FBXL17: variants seen among roughly 807,000 people sequenced by gnomAD.
The protein encoded by FBXL17 is F-box and leucine rich repeat protein 17, also known as F-box/LRR-repeat protein 17.
In FBXL17, 22 loss-of-function variants were observed where a neutral mutation model predicts 66.2. The ratio of observed to expected loss-of-function variants is 0.33; its 90% CI spans 0.24 to 0.47. The LOEUF (loss-of-function observed/expected upper bound fraction) is 0.47. Among genes scored for constraint, FBXL17 ranks in the 20% least tolerant of loss-of-function variants. The pLI is 1.00. For missense variants in FBXL17, 878 were observed against 948.2 expected (o/e 0.93, Z 0.97); for synonymous variants, 474 against 400.5 (o/e 1.18, Z -2.19).
intron 6 of FBXL17, among the ~76,000 whole-genome samples, chr5:108,087,169 CAAGGCCTTGACTTGGTA>C (rs2149925609): frequency 6.6e-6 from 1 of 152,324 alleles, no homozygotes; most frequent in East Asian, 1.9e-4. Context: ...ATGAGCCTAT[CAAGGCCTTGACTTGGTA>C]AGTGCGAGTT....
chr5:108,308,201 G>A (rs73781318), intron 4 of FBXL17, among the ~76,000 whole-genome samples: 7,548 of 151,948 alleles, frequency 0.05, 626 homozygotes, highest in African/African-American at 0.17. Flanking sequence ...GAATATTATT[G>A]TATTAATAGT....
At chr5:108,294,224 G>A (rs1758248497) in intron 4 of FBXL17, among the ~76,000 whole-genome samples, 1 of 141,068 alleles carries the variant, frequency 7.1e-6, no homozygotes, top group Admixed American at 7.2e-5. Flanking sequence ...CTATATATAT[G>A]GTATATATAT....
At chr5:108,173,761 G>T (rs898132813) in intron 6 of FBXL17, among the ~76,000 whole-genome samples, 1 of 152,160 alleles carries the variant, frequency 6.6e-6, no homozygotes, top group Admixed American at 6.6e-5. Context: ...GAATGAAAGG[G>T]TATTCCTCCA....
At chr5:108,096,535 GAGA>G (rs1749373753) in intron 6 of FBXL17, among the ~76,000 whole-genome samples, 1 of 152,198 alleles carries the variant, frequency 6.6e-6, no homozygotes. Context: ...ATGGGACACA[GAGA>G]AGGAGAATAT....
At chr5:107,967,204 C>A (rs980108572) in intron 7 of FBXL17, among the ~76,000 whole-genome samples, 11 of 151,154 alleles carry the variant, frequency 7.3e-5, no homozygotes, top group Non-Finnish European at 1.2e-4. Context: ...TTGTGTATAC[C>A]AAGGAGATTG....
At chr5:107,986,592 C>T (rs1753020789) in intron 7 of FBXL17, among the ~76,000 whole-genome samples, 1 of 151,630 alleles carries the variant, frequency 6.6e-6, no homozygotes, top group African/African-American at 2.4e-5. Flanking sequence ...ATCAAGTAAA[C>T]TGTTTAAAAA....
At chr5:108,217,864 T>C (rs781154882) in intron 5 of FBXL17, among the ~76,000 whole-genome samples, 2 of 152,192 alleles carry the variant, frequency 1.3e-5, no homozygotes, top group African/African-American at 2.4e-5. Context: ...AAGAAGATCA[T>C]GCAGTATTTG....
intron 8 of FBXL17, among the ~76,000 whole-genome samples, chr5:107,874,248 T>C (rs2112492224): frequency 6.6e-6 from 1 of 152,304 alleles, no homozygotes; most frequent in South Asian, 2.1e-4. Flanking sequence ...TCTATGAAGA[T>C]CTGAGCTTGT....
chr5:108,206,327 T>C (rs1003397828), intron 5 of FBXL17, among the ~76,000 whole-genome samples: 10 of 152,212 alleles, frequency 6.6e-5, no homozygotes, highest in African/African-American at 2.4e-4. Flanking sequence ...AACTGCTGCC[T>C]TATTAAGTTC....
intron 4 of FBXL17, among the ~76,000 whole-genome samples, chr5:108,273,351 T>A (rs998648247): frequency 7.0e-6 from 1 of 143,458 alleles, no homozygotes; most frequent in African/African-American, 2.9e-5. Context: ...ATAATAAAAA[T>A]AATAATAATA....
chr5:108,216,188 A>G lies in FBXL17; in HGVS notation c.1614+7933T>C, dbSNP rs149730809. Among the ~76,000 whole-genome samples the G allele has an allele frequency of 2.0e-5, 3 of 152,154 alleles. No individual in the cohort carries two copies. The East Asian group carries it at 5.8e-4, about 29-fold the overall frequency. ...GTTACGGCTCTTCAGTTGTCCTGCA[A>G]TTCAATAATAATTTCAATATCAGAT... On this transcript the variant is annotated intron_variant, in intron 5 of 8. Transcript: ENST00000542267.
At chr5:108,368,100 T>C in intron 1 of FBXL17, 147 bp from the exon 2 acceptor site, 1 of 728,176 alleles carries the variant, frequency 1.4e-6, no homozygotes, top group Non-Finnish European at 2.2e-6. Context: ...CCGTAAGAGA[T>C]CACCTTAAAG....
At chr5:108,127,244 C>T (rs756458591) in intron 6 of FBXL17, among the ~76,000 whole-genome samples, 2 of 152,120 alleles carry the variant, frequency 1.3e-5, no homozygotes, top group African/African-American at 4.8e-5. Context: ...ATCATCCTCA[C>T]TATAGTAGAA....
chr5:107,925,498 C>G (rs1355565794), intron 7 of FBXL17, among the ~76,000 whole-genome samples: 3 of 152,156 alleles, frequency 2.0e-5, no homozygotes, highest in African/African-American at 4.8e-5. Context: ...CGTTTTGGCC[C>G]CACAGCATGC....
chr5:108,298,529 A>C, intron 4 of FBXL17: 1 of 975,220 alleles, frequency 1.0e-6, no homozygotes, highest in Non-Finnish European at 1.2e-6. Flanking sequence ...AACTTGCCTA[A>C]TGATGCTAAG....
At chr5:108,239,528 G>C (rs75031038) in intron 4 of FBXL17, among the ~76,000 whole-genome samples, 1 of 152,310 alleles carries the variant, frequency 6.6e-6, no homozygotes, top group South Asian at 2.1e-4. Flanking sequence ...CCTAGCCAGA[G>C]GGGAATTCTC....
At chr5:108,074,432 A>AT (rs549811478) in intron 6 of FBXL17, among the ~76,000 whole-genome samples, 21 of 146,392 alleles carry the variant, frequency 1.4e-4, no homozygotes, top group Non-Finnish European at 2.7e-4. Flanking sequence ...TGTTTTGGGG[A>AT]TTTTTTTATT....
intron 6 of FBXL17, among the ~76,000 whole-genome samples, chr5:108,136,790 C>T (rs1580494657): frequency 1.3e-5 from 2 of 152,004 alleles, no homozygotes; most frequent in African/African-American, 4.8e-5. Context: ...CAGGAAACCT[C>T]GTATTTCTGT....
chr5:108,316,947 T>C (rs989639791), intron 4 of FBXL17, among the ~76,000 whole-genome samples: 1 of 151,300 alleles, frequency 6.6e-6, no homozygotes, highest in Non-Finnish European at 1.5e-5. Context: ...TATACCTTTT[T>C]ATACAATTAA....
Sources: allele counts gnomAD v4.1 joint callset (sites outside exome capture counted in the v4.1 genomes callset), GRCh38; gene constraint gnomAD v4.1.1; transcripts MANE v1.5; gene names NCBI Gene and HGNC (gene_info 2026-07-23, HGNC 2026-07-21).